Variants in RBFOX3 observed in about 807,000 individuals in gnomAD.
RBFOX3 encodes RNA binding fox-1 homolog 3, also known as RNA binding protein fox-1 homolog 3.
RBFOX3 carries 17 observed loss-of-function variants against 48.7 expected under a neutral mutation model. That is an observed-to-expected ratio of 0.35 (90% confidence interval 0.24 to 0.52). The LOEUF (loss-of-function observed/expected upper bound fraction) is 0.52, where lower values mean the gene tolerates loss of function less well. Among genes scored for constraint, RBFOX3 ranks in the 20% least tolerant of loss-of-function variants. The probability of loss-of-function intolerance (pLI) is 0.94; values close to 1 mark genes in which losing one functional copy is unlikely to be tolerated. For missense variants in RBFOX3, 382 were observed against 497.5 expected (o/e 0.77, Z 2.21); for synonymous variants, 212 against 209.5 (o/e 1.01, Z -0.10).
intron 1 of RBFOX3, among the ~76,000 whole-genome samples, chr17:79,605,251 C>T: frequency 6.6e-6 from 1 of 152,278 alleles, no homozygotes; most frequent in East Asian, 1.9e-4. Context: ...ACACAGGATT[C>T]TCCGCTCTGG....
chr17:79,182,844 C>T (rs1420566998), intron 4 of RBFOX3, among the ~76,000 whole-genome samples: 1 of 150,990 alleles, frequency 6.6e-6, no homozygotes, highest in African/African-American at 2.4e-5. Context: ...CCTCTGCGCG[C>T]CCCCCGGCTT....
At chr17:79,194,892 C>T (rs551851918) in intron 4 of RBFOX3, among the ~76,000 whole-genome samples, 4 of 142,440 alleles carry the variant, frequency 2.8e-5, no homozygotes, top group Non-Finnish European at 3.1e-5. Flanking sequence ...TTACATAAAG[C>T]GTATAATTGA....
chr17:79,380,209 A>T lies in RBFOX3; in HGVS notation c.-174-72385T>A, dbSNP rs998792688. ...ATCCCCCCCTTGCCACCCCTCCCCC[A>T]GGCTGCCAAGCCCATCTCCAGCACA... On this transcript the variant is annotated intron_variant, in intron 2 of 14. Coordinates refer to ENST00000693108, the MANE Select transcript of RBFOX3 (RefSeq NM_001350451.2). Among the ~76,000 whole-genome samples, 4 of 124,256 alleles carry T rather than the reference A, an allele frequency of 3.2e-5. No homozygotes were observed. The Admixed American group carries it at 3.2e-4, about 10-fold the overall frequency. 81.5% of individuals were successfully genotyped at this position (124,256 alleles called of 152,430 possible). A position where few individuals can be genotyped will look rare whatever the true frequency, so the allele number is the denominator to read the frequency against.
intron 2 of RBFOX3, among the ~76,000 whole-genome samples, chr17:79,340,322 A>AAAAAAAAAC (rs1234763088): frequency 4.2e-5 from 6 of 144,118 alleles, no homozygotes; most frequent in African/African-American, 5.0e-5. Flanking sequence ...AAAAACAAAA[A>AAAAAAAAAC]CAAAACTCTC....
intron 2 of RBFOX3, among the ~76,000 whole-genome samples, chr17:79,448,886 T>C (rs747756913): frequency 2.0e-5 from 3 of 152,078 alleles, no homozygotes; most frequent in Non-Finnish European, 4.4e-5. Context: ...TCATGCAGGT[T>C]CCCTGACACA....
intron 1 of RBFOX3, among the ~76,000 whole-genome samples, chr17:79,540,055 C>T (rs1555789784): frequency 6.6e-6 from 1 of 152,230 alleles, no homozygotes; most frequent in Non-Finnish European, 1.5e-5. Context: ...CAAATCTCTG[C>T]CATTTTAATG....
chr17:79,572,706 A>G (rs1355913363), intron 1 of RBFOX3, among the ~76,000 whole-genome samples: 1 of 152,192 alleles, frequency 6.6e-6, no homozygotes, highest in Non-Finnish European at 1.5e-5. Context: ...TTTATGGCCT[A>G]CAGCGGTTTG....
chr17:79,396,185 C>T (rs1234739070), intron 2 of RBFOX3, among the ~76,000 whole-genome samples: 5 of 152,254 alleles, frequency 3.3e-5, no homozygotes, highest in African/African-American at 1.2e-4. Flanking sequence ...TTGGTTACCA[C>T]CTTGGCTGCC....
rs1179509164 is a variant in RBFOX3 at position 79,103,955 on chromosome 17, G to A, written c.414+118C>T. 3.7e-6 allele frequency: 3 copies of A among 812,558 alleles called. No individual in the cohort carries two copies. Among genetic ancestry groups the A allele is most frequent in the East Asian group, 2.7e-5 (1 of 37,410 alleles). The allele number at this position is 812,558 out of a possible 1,614,324, so 50.3% of individuals were successfully genotyped here. On this transcript the variant is annotated intron_variant, in intron 7 of 14. Transcript: ENST00000693108. The surrounding 1 kb of genome is among the most constrained non-coding windows in gnomAD (Gnocchi z 6.1). ...GGAAGAGCGGGGAATACAAGCACCC[G>A]TGTCGCTCAGGGGTCCTCGGGCGCG...
At chr17:79,324,490 C>A (rs1249101073) in intron 2 of RBFOX3, among the ~76,000 whole-genome samples, 1 of 152,182 alleles carries the variant, frequency 6.6e-6, no homozygotes. Context: ...TTGGCAGTGC[C>A]CCTTCTTCGA....
chr17:79,136,657 G>A (rs1334835685), intron 4 of RBFOX3, among the ~76,000 whole-genome samples: 1 of 152,162 alleles, frequency 6.6e-6, no homozygotes, highest in African/African-American at 2.4e-5. Flanking sequence ...TGGGGAAGGT[G>A]CTGGGAAGCA....
intron 4 of RBFOX3, among the ~76,000 whole-genome samples, chr17:79,116,049 T>A (rs958971459): frequency 2.0e-5 from 3 of 152,158 alleles, no homozygotes; most frequent in East Asian, 1.9e-4. Flanking sequence ...TACCTGATTT[T>A]AAAAAAATTA....
In RBFOX3 at chr17:79,479,817, A is replaced by G. The variant is rs1265142232; in HGVS notation, c.-175+2637T>C. Among the ~76,000 whole-genome samples the G allele has an allele frequency of 1.3e-5, 2 of 152,158 alleles. No homozygotes were observed. Among genetic ancestry groups the G allele is most frequent in the Non-Finnish European group, 2.9e-5 (2 of 68,030 alleles). The stretch of plus-strand genomic sequence containing the variant: ...AGTGGCATTTTCAGAGGAGCATGGG[A>G]GATGGTGCTACCGTCACGGCCTGCA... On this transcript the variant is annotated intron_variant, in intron 2 of 14. Transcript: ENST00000693108. The surrounding 1 kb of genome is among the most constrained non-coding windows in gnomAD (Gnocchi z 5.1).
At chr17:79,403,512 T>C (rs1199762481) in intron 2 of RBFOX3, among the ~76,000 whole-genome samples, 3 of 152,170 alleles carry the variant, frequency 2.0e-5, no homozygotes, top group Non-Finnish European at 4.4e-5. Context: ...ACCATGGACT[T>C]CCACCCCCGT....
Position 79,145,055 on chromosome 17 carries a change from G to T in RBFOX3, c.-33-29307C>A, listed in dbSNP as rs1262408116. On this transcript the variant is annotated intron_variant, in intron 4 of 14. Transcript: ENST00000693108. ...GACTGGCACTGAATCGCAGCAAGGTGGGGGCGGGACAGGGTGTGCGGGGTC... is the reference window on the plus strand; with the variant it reads ...GACTGGCACTGAATCGCAGCAAGGTTGGGGCGGGACAGGGTGTGCGGGGTC... Among the ~76,000 whole-genome samples, 3 of 152,168 alleles carry T rather than the reference G, an allele frequency of 2.0e-5. No individual in the cohort carries two copies. In the South Asian group the frequency reaches 6.2e-4, roughly 31 times the overall value.
At chr17:79,572,570 G>T (rs980662385) in intron 1 of RBFOX3, among the ~76,000 whole-genome samples, 1 of 152,248 alleles carries the variant, frequency 6.6e-6, no homozygotes, top group African/African-American at 2.4e-5. Flanking sequence ...GGGGAGGGAG[G>T]GGGAAGGGGA....
At position 79,210,397 on chromosome 17, in the gene RBFOX3, TTGA is replaced by T. The variant is rs1192065083; in HGVS notation, c.-34+25366_-34+25368del. 2.0e-5 allele frequency among the ~76,000 whole-genome samples: 3 copies of T among 152,330 alleles called. No homozygotes were observed. The East Asian group carries it at 5.8e-4, about 29-fold the overall frequency. On this transcript the variant is annotated intron_variant, in intron 4 of 14. Transcript: ENST00000693108. ...GTAATCAGGGGTCCTGCTTTTTCACTTGATGATATACAGAGACGGCTTCCCTTG... is the reference window on the plus strand; with the variant it reads ...GTAATCAGGGGTCCTGCTTTTTCACTTGATATACAGAGACGGCTTCCCTTG...
intron 4 of RBFOX3, among the ~76,000 whole-genome samples, chr17:79,232,758 G>T (rs974600213): frequency 1.7e-4 from 26 of 152,086 alleles, no homozygotes; most frequent in Non-Finnish European, 1.5e-5. Flanking sequence ...ATAACCATAC[G>T]AATAGATTCT....
the RBFOX3 span, among the ~76,000 whole-genome samples, chr17:79,636,707 T>TA: frequency 0.057 from 8,572 of 151,066 alleles, 616 homozygotes; most frequent in African/African-American, 0.14. Flanking sequence ...TATGCCACTA[T>TA]AAAAAAATCA....
Sources: gnomAD v4.1 joint callset for allele counts (sites outside exome capture counted in the v4.1 genomes callset) on GRCh38, gnomAD v4.1.1 for gene constraint, Gnocchi (gnomAD v3.1) non-coding constraint, MANE v1.5 for transcripts, NCBI Gene and HGNC (gene_info 2026-07-23, HGNC 2026-07-21) for gene names.